Variants in RPH3A observed in about 807,000 individuals in gnomAD.
RPH3A encodes rabphilin 3A.
A neutral mutation model predicts 102.2 loss-of-function variants in RPH3A; 48 were observed. That is an observed-to-expected ratio of 0.47 (90% CI 0.37 to 0.60). The LOEUF is 0.60. RPH3A is among the 20% of genes least tolerant of loss of function. The probability of loss-of-function intolerance (pLI) is 0.00; values close to 1 mark genes in which losing one functional copy is unlikely to be tolerated. For missense variants in RPH3A, 781 were observed against 910.1 expected, an observed-to-expected ratio of 0.86 and a Z score of 1.83; for synonymous variants, 310 against 324.3, an observed-to-expected ratio of 0.96 and a Z score of 0.47.
At chr12:112,651,489 C>T (rs969242835) in intron 1 of RPH3A, among the ~76,000 whole-genome samples, 5 of 152,180 alleles carry the variant, frequency 3.3e-5, no homozygotes, top group South Asian at 4.1e-4. Context: ...TATCTTGGTA[C>T]GTTTGCTTGT....
intron 1 of RPH3A, among the ~76,000 whole-genome samples, chr12:112,700,143 C>T (rs1324094387): frequency 2.2e-4 from 33 of 151,596 alleles, no homozygotes; most frequent in Non-Finnish European, 1.5e-5. Flanking sequence ...GATCTTGGCT[C>T]TCTGCAACCT....
chr12:112,606,799 G>C (rs115484697), intron 1 of RPH3A, among the ~76,000 whole-genome samples: 1 of 152,146 alleles, frequency 6.6e-6, no homozygotes, highest in Admixed American at 6.5e-5. Flanking sequence ...ACCAGGTCTC[G>C]TGAGAACTCA....
At chr12:112,646,237 A>G (rs184075746) in intron 1 of RPH3A, among the ~76,000 whole-genome samples, 2 of 152,356 alleles carry the variant, frequency 1.3e-5, no homozygotes, top group East Asian at 3.8e-4. Context: ...CAGTGACTCC[A>G]GGATTAATTC....
chr12:112,722,220 A>G (rs571798643), intron 1 of RPH3A, among the ~76,000 whole-genome samples: 6 of 152,356 alleles, frequency 3.9e-5, no homozygotes, highest in Non-Finnish European at 5.9e-5. Context: ...CTCAGAGATC[A>G]CATGAGAATT....
At chr12:112,836,889 C>T (rs1476039638) in intron 4 of RPH3A, among the ~76,000 whole-genome samples, 1 of 152,192 alleles carries the variant, frequency 6.6e-6, no homozygotes, top group African/African-American at 2.4e-5. Context: ...TAAAAGATGA[C>T]GATGAACAGG....
rs1386934246 is a variant in RPH3A, at chr12:112,773,013, C to T, written c.-139-19130C>T. On this transcript the variant is annotated intron_variant, in intron 1 of 21. Coordinates refer to the RPH3A transcript ENST00000543106. ...GGTTTTCCATTGCTGAGTTCCTTCA[C>T]TGAGAATAATAGTCTCCAATCTCAT... is the stretch of plus-strand genomic sequence containing the variant. Among the ~76,000 whole-genome samples, 8 of 152,054 alleles carry T rather than the reference C, an allele frequency of 5.3e-5. 1 individual carries two copies.
At chr12:112,855,816 T>A (rs543425012) in intron 5 of RPH3A, among the ~76,000 whole-genome samples, 5 of 152,124 alleles carry the variant, frequency 3.3e-5, no homozygotes, top group African/African-American at 1.2e-4. Flanking sequence ...ATCCCCCTAC[T>A]TGGCAATTAG....
At chr12:112,678,945 C>A (rs569994642) in intron 1 of RPH3A, among the ~76,000 whole-genome samples, 13 of 152,000 alleles carry the variant, frequency 8.6e-5, no homozygotes, top group Non-Finnish European at 1.2e-4. Flanking sequence ...TTTCTTTGTC[C>A]TTTCTGTCTC....
At chr12:112,817,570 C>CA (rs1336577180) in intron 2 of RPH3A, among the ~76,000 whole-genome samples, 2 of 151,884 alleles carry the variant, frequency 1.3e-5, no homozygotes, top group African/African-American at 4.8e-5. Context: ...GTGCACCCCC[C>CA]ACCCCCCGCA....
At chr12:112,796,930 A>G (rs904202902) in intron 2 of RPH3A, among the ~76,000 whole-genome samples, 2 of 152,028 alleles carry the variant, frequency 1.3e-5, no homozygotes, top group African/African-American at 2.4e-5. Context: ...TGTGCCTGCA[A>G]CCCCAGCTAT....
intron 1 of RPH3A, among the ~76,000 whole-genome samples, chr12:112,784,238 C>T (rs1348495801): frequency 6.6e-6 from 1 of 152,184 alleles, no homozygotes; most frequent in Non-Finnish European, 1.5e-5. Flanking sequence ...ACTTTCTCCT[C>T]AAGCTGCTGT....
chr12:112,680,106 A>G (rs1477830762), intron 1 of RPH3A, among the ~76,000 whole-genome samples: 3 of 152,162 alleles, frequency 2.0e-5, no homozygotes, highest in Non-Finnish European at 2.9e-5. Context: ...AGAAAAGGCT[A>G]TGGGGATGCA....
chr12:112,580,930 T>G (rs969465038), intron 1 of RPH3A, among the ~76,000 whole-genome samples: 1 of 152,172 alleles, frequency 6.6e-6, no homozygotes, highest in African/African-American at 2.4e-5. Context: ...CATTCAAAAT[T>G]AACTTTTCTT....
At chr12:112,804,741 C>G (rs567591642) in intron 2 of RPH3A, among the ~76,000 whole-genome samples, 1 of 152,222 alleles carries the variant, frequency 6.6e-6, no homozygotes, top group African/African-American at 2.4e-5. Flanking sequence ...CCGCTAATAA[C>G]AGCAGATATC....
At chr12:112,873,226 A>T (rs2042736742) in intron 10 of RPH3A, among the ~76,000 whole-genome samples, 1 of 152,216 alleles carries the variant, frequency 6.6e-6, no homozygotes, top group South Asian at 2.1e-4. Context: ...ATACTGATCC[A>T]ATCCACAGCT....
intron 2 of RPH3A, among the ~76,000 whole-genome samples, chr12:112,805,719 C>T (rs1848720301): frequency 6.6e-6 from 1 of 152,168 alleles, no homozygotes; most frequent in African/African-American, 2.4e-5. Flanking sequence ...AGGTTAAAAG[C>T]ACATGTTCAT....
chr12:112,840,682 T>A (rs1289675820), intron 4 of RPH3A, among the ~76,000 whole-genome samples: 1 of 152,210 alleles, frequency 6.6e-6, no homozygotes, highest in Non-Finnish European at 1.5e-5. Context: ...AGTACCCAGA[T>A]GGGGTTTACA....
chr12:112,650,882 T>C (rs1462460916), intron 1 of RPH3A: 13 of 151,806 alleles, frequency 8.6e-5, no homozygotes, highest in Admixed American at 8.5e-4. Context: ...GCGAGTGACA[T>C]TACACCTGGC....
At chr12:112,792,111 G>T (rs918863654) in intron 1 of RPH3A, 32 bp from the exon 2 acceptor site, 1 of 152,138 alleles carries the variant, frequency 6.6e-6, no homozygotes, top group Non-Finnish European at 1.5e-5. Context: ...TTTGGGAAGA[G>T]TAGGAGAGTC....
Sources: allele counts gnomAD v4.1 joint callset (sites outside exome capture counted in the v4.1 genomes callset), GRCh38; gene constraint gnomAD v4.1.1; transcripts MANE v1.5; gene names NCBI Gene and HGNC (gene_info 2026-07-23, HGNC 2026-07-21).